The following CCSER1 variants were observed in gnomAD, a reference collection of about 807,000 sequenced individuals.
CCSER1 encodes coiled-coil serine rich protein 1.
CCSER1 carries 41 observed loss-of-function variants against 82.0 expected under a neutral mutation model. The observed-to-expected ratio is 0.50, with a 90% CI of 0.39 to 0.65. CCSER1 has a LOEUF of 0.65. Ranked by LOEUF, CCSER1 falls within the 30% of genes least tolerant of loss-of-function variation. CCSER1 has a pLI of 0.00. For synonymous variants in CCSER1, 414 were observed against 383.9 expected (o/e 1.08, Z -0.92); for missense variants, 1,119 against 1,064.2 (o/e 1.05, Z -0.72).
chr4:90,516,272 T>C (rs1400296044), intron 5 of CCSER1, among the ~76,000 whole-genome samples: 1 of 152,188 alleles, frequency 6.6e-6, no homozygotes, highest in Non-Finnish European at 1.5e-5. Context: ...GGTGCCCTTA[T>C]TTTGTCTTTC....
At chr4:90,962,830 G>A (rs1734179939) in intron 9 of CCSER1, among the ~76,000 whole-genome samples, 1 of 151,752 alleles carries the variant, frequency 6.6e-6, no homozygotes, top group Non-Finnish European at 1.5e-5. Context: ...TTTCATACAG[G>A]GCTATTTTAA....
At chr4:91,042,424 C>A (rs530064459) in intron 9 of CCSER1, among the ~76,000 whole-genome samples, 1 of 152,116 alleles carries the variant, frequency 6.6e-6, no homozygotes, top group African/African-American at 2.4e-5. Context: ...CAGTCTCGGG[C>A]GGTTCTTTAT....
At chr4:90,912,370 G>A (rs570743348) in intron 8 of CCSER1, among the ~76,000 whole-genome samples, 3 of 152,148 alleles carry the variant, frequency 2.0e-5, no homozygotes, top group Non-Finnish European at 4.4e-5. Flanking sequence ...CTGATACCAA[G>A]GCAAACAGGG....
At chr4:90,186,502 T>C (rs921387537) in intron 1 of CCSER1, among the ~76,000 whole-genome samples, 1 of 151,956 alleles carries the variant, frequency 6.6e-6, no homozygotes, top group East Asian at 1.9e-4. Context: ...TCATAACATA[T>C]GAATTAGAAA....
chr4:91,069,749 T>A (rs1310316072), intron 9 of CCSER1, among the ~76,000 whole-genome samples: 1 of 152,148 alleles, frequency 6.6e-6, no homozygotes, highest in Non-Finnish European at 1.5e-5. Flanking sequence ...ACACAGGAAA[T>A]TTAAACTGAG....
chr4:90,564,184 T>C (rs1779111500), intron 5 of CCSER1, among the ~76,000 whole-genome samples: 1 of 152,190 alleles, frequency 6.6e-6, no homozygotes, highest in South Asian at 2.1e-4. Context: ...AAGATCTTGC[T>C]CTGTTGTCCA....
chr4:90,580,747 T>C (rs2148633331), intron 5 of CCSER1, among the ~76,000 whole-genome samples: 1 of 152,306 alleles, frequency 6.6e-6, no homozygotes, highest in Non-Finnish European at 1.5e-5. Flanking sequence ...AACAAAAGCA[T>C]AAATATTTGT....
At chr4:91,502,819 T>C (rs1336206943) in intron 10 of CCSER1, among the ~76,000 whole-genome samples, 1 of 152,186 alleles carries the variant, frequency 6.6e-6, no homozygotes, top group African/African-American at 2.4e-5. Flanking sequence ...TGACTTGTAG[T>C]AGGAGTTTAA....
rs187787258 is a variant in CCSER1 at position 90,664,671 on chromosome 4, C to T, written c.1932+36439C>T. 1.2e-4 allele frequency among the ~76,000 whole-genome samples: 18 copies of T among 152,236 alleles called. No individual in the cohort carries two copies. In the East Asian group the frequency reaches 3.3e-3, roughly 28 times the overall value. ...ATCCCAGCACTTTGTGAGGCCAAGGCGGGTGGATCACCTGAGGTCAGGAGT... is the reference window on the plus strand; with the variant it reads ...ATCCCAGCACTTTGTGAGGCCAAGGTGGGTGGATCACCTGAGGTCAGGAGT... On this transcript the variant is annotated intron_variant, in intron 6 of 10. Coordinates refer to ENST00000509176, the MANE Select transcript of CCSER1 (RefSeq NM_001145065.2).
At chr4:90,191,109 G>C (rs1322967510) in intron 1 of CCSER1, among the ~76,000 whole-genome samples, 1 of 151,902 alleles carries the variant, frequency 6.6e-6, no homozygotes, top group Non-Finnish European at 1.5e-5. Flanking sequence ...GATTATTTCT[G>C]TTCATAATGC....
chr4:91,145,931 G>T (rs1389403931), intron 10 of CCSER1, among the ~76,000 whole-genome samples: 1 of 152,008 alleles, frequency 6.6e-6, no homozygotes, highest in African/African-American at 2.4e-5. Context: ...TATGTGTCTT[G>T]GGGATGTTCG....
intron 7 of CCSER1, among the ~76,000 whole-genome samples, chr4:90,724,310 T>C (rs1469474979): frequency 6.6e-6 from 1 of 151,926 alleles, no homozygotes; most frequent in Non-Finnish European, 1.5e-5. Context: ...ATATAAGTCA[T>C]AGGGGAAAAA....
intron 10 of CCSER1, among the ~76,000 whole-genome samples, chr4:91,589,012 CTTGTA>C (rs1764141349): frequency 6.6e-6 from 1 of 151,708 alleles, no homozygotes; most frequent in African/African-American, 2.4e-5. Flanking sequence ...TCTGAAATTA[CTTGTA>C]TTGTTTGTAC....
chr4:91,454,424 T>C, intron 10 of CCSER1, among the ~76,000 whole-genome samples: 1 of 152,008 alleles, frequency 6.6e-6, no homozygotes, highest in South Asian at 2.1e-4. Context: ...TGCGGTCAAA[T>C]TTCCCTCCAC....
chr4:91,580,944 T>C (rs568181482), intron 10 of CCSER1, among the ~76,000 whole-genome samples: 123 of 151,762 alleles, frequency 8.1e-4, no homozygotes, highest in Non-Finnish European at 9.7e-4. Flanking sequence ...GCCAAAATTA[T>C]ATAACCTTTA....
chr4:90,449,088 C>T (rs749928284), intron 4 of CCSER1, among the ~76,000 whole-genome samples: 1 of 152,142 alleles, frequency 6.6e-6, no homozygotes, highest in African/African-American at 2.4e-5. Flanking sequence ...GTGGATAGCT[C>T]CTCTCCACAG....
At chr4:91,519,255 A>T (rs1760316762) in intron 10 of CCSER1, among the ~76,000 whole-genome samples, 1 of 152,138 alleles carries the variant, frequency 6.6e-6, no homozygotes, top group Admixed American at 6.5e-5. Flanking sequence ...TCTAGACAGT[A>T]GTCACTCGGG....
At chr4:90,495,193 G>A (rs1768801260) in intron 5 of CCSER1, among the ~76,000 whole-genome samples, 1 of 151,986 alleles carries the variant, frequency 6.6e-6, no homozygotes, top group Non-Finnish European at 1.5e-5. Flanking sequence ...TTAGAGAATT[G>A]GATTCTATAT....
At chr4:90,298,130 T>A (rs1732358200) in intron 1 of CCSER1, among the ~76,000 whole-genome samples, 1 of 152,118 alleles carries the variant, frequency 6.6e-6, no homozygotes, top group African/African-American at 2.4e-5. Context: ...TCCTGGACTC[T>A]TTTTGGTTGG....
Sources: gnomAD v4.1 joint callset for allele counts (sites outside exome capture counted in the v4.1 genomes callset) on GRCh38, gnomAD v4.1.1 for gene constraint, MANE v1.5 for transcripts, NCBI Gene and HGNC (gene_info 2026-07-23, HGNC 2026-07-21) for gene names.